The following ADAM7 variants were observed in gnomAD, a reference collection of about 807,000 sequenced individuals.
ADAM7 encodes the protein disintegrin and metalloproteinase domain-containing protein 7.
ADAM7 carries 97 observed loss-of-function variants against 102.9 expected under a neutral mutation model. The ratio of observed to expected loss-of-function variants is 0.94; its 90% confidence interval spans 0.80 to 1.12. The LOEUF is 1.12. ADAM7 is among the 50% of genes most tolerant of loss of function. ADAM7 has a pLI of 0.00. For missense variants in ADAM7, 991 were observed against 908.7 expected, an observed-to-expected ratio of 1.09 and a Z score of -1.16; for synonymous variants, 334 against 304.4, an observed-to-expected ratio of 1.10 and a Z score of -1.01.
chr8:24,450,820 T>C (rs576114041), intron 3 of ADAM7, among the ~76,000 whole-genome samples: 1 of 152,340 alleles, frequency 6.6e-6, no homozygotes, highest in South Asian at 2.1e-4. Context: ...TTGAGATACA[T>C]CCCATCAATA....
At chr8:24,470,010 C>CA (rs1203576561) in intron 7 of ADAM7, among the ~76,000 whole-genome samples, 15 of 151,980 alleles carry the variant, frequency 9.9e-5, no homozygotes, top group African/African-American at 3.6e-4. Context: ...GATTGGATGA[C>CA]AGATGACAAA....
In ADAM7 at chr8:24,499,401, T is replaced by C. The variant is rs931436029; in HGVS notation, c.1923+85T>C. 17 of 926,682 alleles carry C rather than the reference T, an allele frequency of 1.8e-5. No individual in the cohort carries two copies. In the Middle Eastern group the frequency reaches 1.1e-3, roughly 62 times the overall value. The allele number at this position is 926,682 out of a possible 1,614,324, so 57.4% of individuals were successfully genotyped here. A position where few individuals can be genotyped will look rare whatever the true frequency, so the allele number is the denominator to read the frequency against. Reference sequence around the variant, plus strand: ...CAGCCTATATGTGCATGTATATGTATGTATATATGTATTTTTGCTGCTTTC... The same window carrying C: ...CAGCCTATATGTGCATGTATATGTACGTATATATGTATTTTTGCTGCTTTC... On this transcript the variant is annotated intron_variant, in intron 17 of 21. Transcript: ENST00000175238.
At chr8:24,508,518 C>A (rs1410447129) in intron 21 of ADAM7, 28 bp from the exon 22 acceptor site, 1 of 1,608,032 alleles carries the variant, frequency 6.2e-7, no homozygotes, top group African/African-American at 1.3e-5. Context: ...AGGAAACAAT[C>A]TATTTTTAAC....
chr8:24,493,041 A>T lies in ADAM7; in HGVS notation c.1656-2A>T. 6.4e-7 allele frequency: 1 copy of T among 1,568,756 alleles called. No homozygotes were observed. Among genetic ancestry groups the T allele is most frequent in the Non-Finnish European group, 8.6e-7 (1 of 1,163,948 alleles). On this transcript the variant is annotated splice_acceptor_variant, in intron 15 of 21. Coordinates refer to ENST00000175238, the MANE Select transcript of ADAM7 (RefSeq NM_003817.4). LOFTEE classifies it high-confidence loss of function. ...AGTTTGAATATTCTGCCTTTCCTTC[A>T]GAGATGTCAGATGTGGAAAGATCTA...
intron 3 of ADAM7, among the ~76,000 whole-genome samples, chr8:24,450,014 T>C (rs1369375903): frequency 6.6e-6 from 1 of 152,220 alleles, no homozygotes; most frequent in Non-Finnish European, 1.5e-5. Context: ...TCTATATCTC[T>C]GTTTTGGTAT....
At chr8:24,446,933 A>T (rs1818581734) in intron 2 of ADAM7, among the ~76,000 whole-genome samples, 1 of 149,594 alleles carries the variant, frequency 6.7e-6, no homozygotes, top group African/African-American at 2.4e-5. Context: ...AATATAAAAG[A>T]ATAACTATAT....
chr8:24,493,328 A>G (rs1820434355), intron 16 of ADAM7, 99 bp downstream of exon 16: 1 of 1,055,898 alleles, frequency 9.5e-7, no homozygotes, highest in Admixed American at 3.6e-5. Flanking sequence ...CTAGATATGG[A>G]AAAGGAAAAA....
At chr8:24,507,564 C>T in intron 21 of ADAM7, 29 bp downstream of exon 21, 6 of 1,571,714 alleles carry the variant, frequency 3.8e-6, no homozygotes, top group South Asian at 1.1e-5. Flanking sequence ...TAGTACCTCC[C>T]TTTTTTATTT....
intron 7 of ADAM7, 57 bp from the exon 8 acceptor site, chr8:24,476,376 G>A: frequency 7.7e-7 from 1 of 1,306,434 alleles, no homozygotes; most frequent in Non-Finnish European, 1.1e-6. Flanking sequence ...GTATTTTGTT[G>A]AGCTTTTATG....
chr8:24,484,798 C>G (rs1820076471), intron 9 of ADAM7, among the ~76,000 whole-genome samples: 1 of 128,384 alleles, frequency 7.8e-6, no homozygotes, highest in Admixed American at 8.5e-5. Flanking sequence ...TAAGATTGCA[C>G]TGGCTTTTTT....
In ADAM7 at chr8:24,500,834, A is replaced by G. The variant is rs1181055348; in HGVS notation, c.2047A>G (p.Ile683Val). The change falls in exon 19 of 22, where the codon ATC becomes GTC. Residue 683 changes from isoleucine to valine, a missense_variant. By Grantham distance (29) the Ile-to-Val change is conservative. Transcript: ENST00000175238. ...TGTGCTTGTCCTGGTTATTGTCGGT[A>G]TCGGAGTTCTTATACTATTAGTTCG... ...VVVLVLVIVGIGVLILLVRYR... is the reference protein window; with the variant it reads ...VVVLVLVIVGVGVLILLVRYR... 1.2e-6 allele frequency: 2 copies of G among 1,613,468 alleles called. No individual in the cohort carries two copies. Among genetic ancestry groups the G allele is most frequent in the Non-Finnish European group, 1.7e-6 (2 of 1,179,554 alleles).
rs1820172853 is a variant in ADAM7 at position 24,487,236 on chromosome 8, T to G, written c.1010T>G (p.Leu337Arg). The change falls in exon 11 of 22, where the codon CTG becomes CGG. Residue 337 changes from leucine to arginine, a missense_variant. By Grantham distance (102) the Leu-to-Arg change is moderately radical. Transcript: ENST00000175238. Reference sequence around the variant, plus strand: ...ATTGCAAACAGAATGGCACATCAACTGGGGCATAACCTTGGGATGCAGCAT... The same window carrying G: ...ATTGCAAACAGAATGGCACATCAACGGGGGCATAACCTTGGGATGCAGCAT... ...NIIANRMAHQ[L>R]GHNLGMQHDE... The G allele has an allele frequency of 1.9e-6, 3 of 1,613,896 alleles. No homozygotes were observed. In the East Asian group the frequency reaches 6.7e-5, roughly 36 times the overall value.
intron 7 of ADAM7, among the ~76,000 whole-genome samples, chr8:24,471,123 A>G (rs1425775220): frequency 6.6e-6 from 1 of 152,130 alleles, no homozygotes; most frequent in Non-Finnish European, 1.5e-5. Context: ...AAAACAGAAA[A>G]AAGCTTACAG....
chr8:24,464,013 G>A, intron 4 of ADAM7, 53 bp downstream of exon 4: 3 of 1,518,816 alleles, frequency 2.0e-6, no homozygotes, highest in Non-Finnish European at 9.1e-7. Context: ...ATTTCCTGAT[G>A]TGATTTTGAA....
chr8:24,500,901 T>C lies in ADAM7; in HGVS notation c.2108+6T>C. On this transcript the variant is annotated splice_donor_region_variant and intron_variant, in intron 19 of 21. Coordinates refer to ENST00000175238, the MANE Select transcript of ADAM7 (RefSeq NM_003817.4). ...AAGTTGAAGCAAGTTCAGAGGTACA[T>C]TTACATTTTTCTATGTGTTGAAGAA... 1 of 1,598,686 alleles carries C rather than the reference T, an allele frequency of 6.3e-7. No homozygotes were observed. The highest frequency in any genetic ancestry group is 8.6e-7 in the Non-Finnish European group (1 of 1,166,816).
At chr8:24,482,501 AT>A (rs1819990391) in intron 9 of ADAM7, among the ~76,000 whole-genome samples, 190 bp downstream of exon 9, 2 of 152,152 alleles carry the variant, frequency 1.3e-5, no homozygotes, top group Non-Finnish European at 2.9e-5. Context: ...TAATCCCAAC[AT>A]TTTAGGAGAC....
intron 1 of ADAM7, among the ~76,000 whole-genome samples, chr8:24,442,072 G>T (rs1482507929): frequency 2.6e-5 from 4 of 152,196 alleles, no homozygotes; most frequent in Admixed American, 2.6e-4. Context: ...TACTTGGGAG[G>T]CTGAGGTGGA....
intron 20 of ADAM7, among the ~76,000 whole-genome samples, chr8:24,505,094 G>C (rs1820905301): frequency 6.6e-6 from 1 of 152,084 alleles, no homozygotes. Flanking sequence ...ACAGTGATTG[G>C]TATACACTTA....
chr8:24,497,636 C>G (rs1235449683), intron 16 of ADAM7, among the ~76,000 whole-genome samples: 1 of 151,900 alleles, frequency 6.6e-6, no homozygotes, highest in African/African-American at 2.4e-5. Context: ...ATTAAAAACA[C>G]AGAAGAGAGG....
Sources: allele counts gnomAD v4.1 joint callset (sites outside exome capture counted in the v4.1 genomes callset), GRCh38; gene constraint gnomAD v4.1.1; transcripts MANE v1.5; gene names NCBI Gene and HGNC (gene_info 2026-07-23, HGNC 2026-07-21).